The following ANKRD44 variants were observed in gnomAD, a reference collection of about 807,000 sequenced individuals.
The protein encoded by ANKRD44 is ankyrin repeat domain 44, also known as serine/threonine-protein phosphatase 6 regulatory ankyrin repeat subunit B.
A neutral mutation model predicts 116.0 loss-of-function variants in ANKRD44; 35 were observed. The ratio of observed to expected loss-of-function variants is 0.30; its 90% CI spans 0.23 to 0.40. ANKRD44 has a LOEUF of 0.40. Among genes scored for constraint, ANKRD44 ranks in the 10% least tolerant of loss-of-function variants. The pLI, the probability that ANKRD44 is intolerant of heterozygous loss-of-function variation, is 1.00. For synonymous variants in ANKRD44, 435 were observed against 461.8 expected (o/e 0.94, Z 0.74); for missense variants, 1,014 against 1,242.6 (o/e 0.82, Z 2.77).
intron 16 of ANKRD44, among the ~76,000 whole-genome samples, chr2:197,052,617 G>C (rs1226561272): frequency 6.6e-6 from 1 of 151,996 alleles, no homozygotes; most frequent in Non-Finnish European, 1.5e-5. Context: ...AATTTGTTTT[G>C]GTAATCATGC....
intron 16 of ANKRD44, among the ~76,000 whole-genome samples, chr2:197,027,268 G>A (rs2076612906): frequency 6.6e-6 from 1 of 152,104 alleles, no homozygotes; most frequent in Non-Finnish European, 1.5e-5. Context: ...AGGCTGAGGT[G>A]GGAGGACGGC....
At chr2:197,291,663 T>C (rs2083572792) in intron 1 of ANKRD44, among the ~76,000 whole-genome samples, 1 of 152,178 alleles carries the variant, frequency 6.6e-6, no homozygotes, top group East Asian at 1.9e-4. Flanking sequence ...TATCGAATAA[T>C]GCTTGCTCAT....
rs57613014 is a variant in ANKRD44 at position 197,097,124 on chromosome 2, A to C, written c.1100+2692T>G. 1.8e-3 allele frequency among the ~76,000 whole-genome samples: 277 copies of C among 152,340 alleles called. 10 individuals carry two copies. The East Asian group carries it at 0.049, about 27-fold the overall frequency. ...ATGGTCTGTGTTTCCATAAATTGAA[A>C]GCAAAATAATTACATGGAAATAAAT... On this transcript the variant is annotated intron_variant, in intron 10 of 27. Coordinates refer to ENST00000282272, the MANE Select transcript of ANKRD44 (RefSeq NM_001195144.2).
intron 1 of ANKRD44, among the ~76,000 whole-genome samples, chr2:197,191,421 G>T (rs1243534781): frequency 6.6e-6 from 1 of 152,142 alleles, no homozygotes; most frequent in African/African-American, 2.4e-5. Flanking sequence ...TTTTGTAGCT[G>T]AACTTGCTAA....
chr2:196,969,408 T>C (rs2075698553), intron 21 of ANKRD44, among the ~76,000 whole-genome samples: 2 of 152,142 alleles, frequency 1.3e-5, no homozygotes, highest in Non-Finnish European at 2.9e-5. Flanking sequence ...TTCTTCTTCA[T>C]TTTCATTCCT....
At chr2:197,013,238 T>C (rs1399376748) in intron 18 of ANKRD44, among the ~76,000 whole-genome samples, 2 of 152,238 alleles carry the variant, frequency 1.3e-5, no homozygotes, top group Non-Finnish European at 2.9e-5. Context: ...GCATTACACC[T>C]TGCCCTTTGT....
chr2:197,156,857 G>A lies in ANKRD44; in HGVS notation c.112-9752C>T, dbSNP rs145720387. Among the ~76,000 whole-genome samples, 180 of 152,284 alleles carry A rather than the reference G, an allele frequency of 1.2e-3. 5 individuals carry two copies. In the East Asian group the frequency reaches 0.032, roughly 27 times the overall value. The stretch of plus-strand genomic sequence containing the variant: ...GTCGGGCAAAAAAAAAGTACATATT[G>A]TATAAATCCACGTACATAAAATTCT... On this transcript the variant is annotated intron_variant, in intron 2 of 27. Coordinates refer to ENST00000282272, the MANE Select transcript of ANKRD44 (RefSeq NM_001195144.2).
chr2:197,171,708 T>C (rs1464694811), intron 2 of ANKRD44, among the ~76,000 whole-genome samples: 1 of 152,134 alleles, frequency 6.6e-6, no homozygotes, highest in Non-Finnish European at 1.5e-5. Flanking sequence ...AAGTGTCGGT[T>C]TGTCATGATG....
intron 1 of ANKRD44, among the ~76,000 whole-genome samples, chr2:197,255,066 A>C (rs1334728517): frequency 6.6e-6 from 1 of 152,208 alleles, no homozygotes; most frequent in Non-Finnish European, 1.5e-5. Flanking sequence ...TGTCCAGAGA[A>C]TGTGAGAAGG....
At chr2:196,971,675 C>T (rs1029919520) in intron 21 of ANKRD44, among the ~76,000 whole-genome samples, 1 of 152,168 alleles carries the variant, frequency 6.6e-6, no homozygotes, top group Non-Finnish European at 1.5e-5. Context: ...TTAACTCATA[C>T]ATACCAGAAG....
intron 2 of ANKRD44, among the ~76,000 whole-genome samples, chr2:197,172,259 C>T (rs1301020450): frequency 6.6e-6 from 1 of 152,138 alleles, no homozygotes; most frequent in African/African-American, 2.4e-5. Context: ...AACTTGGCCT[C>T]CCAAAGTGTT....
chr2:197,010,998 T>G (rs911328453), intron 18 of ANKRD44, among the ~76,000 whole-genome samples: 4 of 152,242 alleles, frequency 2.6e-5, no homozygotes, highest in African/African-American at 9.6e-5. Flanking sequence ...TGTAGACCAT[T>G]GCATTCAGCT....
chr2:197,140,312 C>A (rs1158321338), intron 3 of ANKRD44, among the ~76,000 whole-genome samples: 1 of 151,994 alleles, frequency 6.6e-6, no homozygotes, highest in Non-Finnish European at 1.5e-5. Flanking sequence ...TGTTATCAGG[C>A]ATTAAAATAT....
At chr2:197,170,468 T>C (rs550956856) in intron 2 of ANKRD44, among the ~76,000 whole-genome samples, 5 of 152,346 alleles carry the variant, frequency 3.3e-5, no homozygotes, top group Admixed American at 2.6e-4. Context: ...GCTGTCATAA[T>C]GTAGTCTTCC....
chr2:197,063,013 C>A (rs1339966541), intron 16 of ANKRD44, among the ~76,000 whole-genome samples: 1 of 152,240 alleles, frequency 6.6e-6, no homozygotes, highest in African/African-American at 2.4e-5. Context: ...AATGGACAGA[C>A]TGCCTCCTCA....
At position 197,088,770 on chromosome 2, in the gene ANKRD44, A is replaced by G; in HGVS notation, c.1188T>C (p.Phe396=). ...DCCRKLLSSG[F]EIDTPDKFGR... ...CAAATTTATCTGGGGTGTCTATTTC[A>G]AAGCCTGCAGACAGCACGTGCTCAT... is the stretch of plus-strand genomic sequence containing the variant. Residue 396 remains phenylalanine (F), a synonymous_variant, in exon 12 of 28, where the codon TTT becomes TTC. Transcript: ENST00000282272. 1 of 1,613,244 alleles carries G rather than the reference A, an allele frequency of 6.2e-7. No individual in the cohort carries two copies. The highest frequency in any genetic ancestry group is 1.1e-5 in the South Asian group (1 of 90,916).
intron 8 of ANKRD44, among the ~76,000 whole-genome samples, chr2:197,118,633 G>GAA (rs767547012): frequency 1.0e-3 from 51 of 48,768 alleles, no homozygotes; most frequent in East Asian, 9.9e-3. Flanking sequence ...GAGAGAGAGA[G>GAA]AGAGAGAAAG....
At chr2:197,004,539 G>A (rs2076169981) in intron 21 of ANKRD44, among the ~76,000 whole-genome samples, 1 of 152,136 alleles carries the variant, frequency 6.6e-6, no homozygotes. Flanking sequence ...GGTACTATTA[G>A]ATAGGGAAAT....
chr2:196,968,361 T>G (rs1274145173), intron 21 of ANKRD44, among the ~76,000 whole-genome samples: 1 of 152,194 alleles, frequency 6.6e-6, no homozygotes, highest in Non-Finnish European at 1.5e-5. Flanking sequence ...ATGTCTTACT[T>G]CACAGATAAA....
Sources: allele counts gnomAD v4.1 joint callset (sites outside exome capture counted in the v4.1 genomes callset), GRCh38; gene constraint gnomAD v4.1.1; transcripts MANE v1.5; gene names NCBI Gene and HGNC (gene_info 2026-07-23, HGNC 2026-07-21).